Variants in CDH13 observed in about 807,000 individuals in gnomAD.
CDH13 encodes cadherin-13.
A neutral mutation model predicts 63.8 loss-of-function variants in CDH13; 24 were observed. The observed-to-expected ratio is 0.38, with a 90% CI of 0.27 to 0.53. CDH13 has a LOEUF of 0.53. Ranked by LOEUF, CDH13 falls within the 20% of genes least tolerant of loss-of-function variation. CDH13 has a pLI of 0.85. For synonymous variants in CDH13, 503 were observed against 355.3 expected (o/e 1.42, Z -4.67); for missense variants, 1,049 against 903.1 (o/e 1.16, Z -2.07).
chr16:83,309,619 C>T (rs1346246469), intron 5 of CDH13, among the ~76,000 whole-genome samples: 2 of 152,198 alleles, frequency 1.3e-5, no homozygotes, highest in East Asian at 1.9e-4. Context: ...TCGTGATCCA[C>T]CCACCTTGGC....
intron 1 of CDH13, among the ~76,000 whole-genome samples, chr16:82,710,553 A>AT (rs1567649943): frequency 2.1e-5 from 1 of 46,766 alleles, no homozygotes; most frequent in Non-Finnish European, 4.3e-5. Flanking sequence ...AAAAAAAAAA[A>AT]TATATATATA....
intron 1 of CDH13, among the ~76,000 whole-genome samples, chr16:82,836,233 C>T (rs1200316649): frequency 6.6e-6 from 1 of 152,270 alleles, no homozygotes. Context: ...ACTGCAACCT[C>T]CACCTCCTGG....
chr16:83,698,477 T>C (rs2150904149), intron 10 of CDH13, among the ~76,000 whole-genome samples: 1 of 152,298 alleles, frequency 6.6e-6, no homozygotes, highest in South Asian at 2.1e-4. Flanking sequence ...TGTTGCCTGG[T>C]TCCCAGTGCT....
intron 2 of CDH13, among the ~76,000 whole-genome samples, chr16:82,877,796 A>ATTT (rs76873049): frequency 7.2e-6 from 1 of 137,946 alleles, no homozygotes; most frequent in Non-Finnish European, 1.5e-5. Context: ...ACCTCTATTC[A>ATTT]TTTTTTTTTT....
At chr16:83,384,151 G>A (rs185721048) in intron 6 of CDH13, among the ~76,000 whole-genome samples, 9 of 152,050 alleles carry the variant, frequency 5.9e-5, no homozygotes, top group Admixed American at 5.2e-4. Flanking sequence ...AATATCTAAG[G>A]GTTTTTCTAG....
At chr16:83,567,657 G>A (rs1052204476) in intron 7 of CDH13, among the ~76,000 whole-genome samples, 3 of 152,144 alleles carry the variant, frequency 2.0e-5, no homozygotes, top group African/African-American at 2.4e-5. Context: ...GTGCAGTGGT[G>A]CGATCTGGGC....
chr16:83,171,863 G>A (rs970397050), intron 4 of CDH13, among the ~76,000 whole-genome samples: 3 of 152,080 alleles, frequency 2.0e-5, no homozygotes, highest in African/African-American at 7.2e-5. Flanking sequence ...TGTTTACCTT[G>A]CCATTTTATA....
intron 1 of CDH13, among the ~76,000 whole-genome samples, chr16:82,694,762 G>T (rs774131658): frequency 2.0e-5 from 3 of 152,150 alleles, no homozygotes; most frequent in Non-Finnish European, 4.4e-5. Context: ...ATTCTTTGAG[G>T]ATTTACTGTG....
Position 83,795,237 on chromosome 16 carries a change from A to G in CDH13, c.*207A>G. The G allele has an allele frequency of 1.9e-6, 1 of 535,946 alleles. No individual in the cohort carries two copies. The highest frequency in any genetic ancestry group is 2.6e-5 in the South Asian group (1 of 39,138). The allele number at this position is 535,946 out of a possible 1,614,324, so 33.2% of individuals were successfully genotyped here. On this transcript the variant is annotated 3_prime_UTR_variant, in exon 14 of 14. Transcript: ENST00000567109. ...CTTCCTCCCTCCTTTAATTAATGGAATCTTCTGAATTTTCCCTGAATGTTT... is the reference window on the plus strand; with the variant it reads ...CTTCCTCCCTCCTTTAATTAATGGAGTCTTCTGAATTTTCCCTGAATGTTT...
At chr16:82,639,277 TG>T in intron 1 of CDH13, 1 of 890,780 alleles carries the variant, frequency 1.1e-6, no homozygotes, top group Non-Finnish European at 1.7e-6. Context: ...ACTTCCTGTC[TG>T]GGCTACTGAT....
rs557684086 is a variant in CDH13 at position 83,086,052 on chromosome 16, A to G, written c.367-39333A>G. 1.7e-3 allele frequency among the ~76,000 whole-genome samples: 260 copies of G among 152,338 alleles called. 2 individuals are homozygous for G. The highest frequency in any genetic ancestry group is 4.7e-3 in the African/African-American group (195 of 41,582). The stretch of plus-strand genomic sequence containing the variant: ...GGTGTACTGGCTGCTCCAATTGAGA[A>G]CAAACAAGGCACCAGGGCCTTTGCA... On this transcript the variant is annotated intron_variant, in intron 3 of 13. Transcript: ENST00000567109.
chr16:83,247,441 T>C (rs1905085658), intron 5 of CDH13, among the ~76,000 whole-genome samples: 2 of 152,168 alleles, frequency 1.3e-5, no homozygotes, highest in Admixed American at 1.3e-4. Context: ...AATCCAGTTA[T>C]TTTTATTTCT....
In CDH13 at chr16:82,919,650, G is replaced by A. The variant is rs28716447; in HGVS notation, c.157+61177G>A. 4.5e-3 allele frequency among the ~76,000 whole-genome samples: 682 copies of A among 152,316 alleles called. 3 individuals are homozygous for A. Among genetic ancestry groups the A allele is most frequent in the African/African-American group, 0.016 (649 of 41,556 alleles). On this transcript the variant is annotated intron_variant, in intron 2 of 13. Transcript: ENST00000567109. ...TTTGATTCCATGTTTATTGTGAATA[G>A]TGCTATAGTGAACATATGTGTGCAT...
At position 83,093,283 on chromosome 16, in the gene CDH13, C is replaced by T. The variant is rs866952281; in HGVS notation, c.367-32102C>T. Among the ~76,000 whole-genome samples the T allele has an allele frequency of 1.6e-3, 195 of 121,526 alleles. 1 individual carries two copies. Among genetic ancestry groups the T allele is most frequent in the African/African-American group, 5.2e-3 (175 of 33,572 alleles). 79.7% of individuals were successfully genotyped at this position (121,526 alleles called of 152,430 possible). A position where few individuals can be genotyped will look rare whatever the true frequency, so the allele number is the denominator to read the frequency against. On this transcript the variant is annotated intron_variant, in intron 3 of 13. Transcript: ENST00000567109. ...CACATTTGGATTTGTCCTGTGGAAACACCATAAGTACTTTTTTTTTTTTTT... is the reference window on the plus strand; with the variant it reads ...CACATTTGGATTTGTCCTGTGGAAATACCATAAGTACTTTTTTTTTTTTTT...
intron 3 of CDH13, among the ~76,000 whole-genome samples, chr16:83,082,733 G>A (rs1321102228): frequency 6.6e-6 from 1 of 152,172 alleles, no homozygotes; most frequent in Admixed American, 6.5e-5. Context: ...TCATTTATAA[G>A]GTTAGGCTGT....
intron 3 of CDH13, among the ~76,000 whole-genome samples, chr16:83,074,240 T>C (rs2032661740): frequency 6.6e-6 from 1 of 152,232 alleles, no homozygotes; most frequent in East Asian, 1.9e-4. Context: ...GCATGTGCGA[T>C]ATTTCTCTTT....
intron 6 of CDH13, among the ~76,000 whole-genome samples, chr16:83,462,375 C>A (rs1298508319): frequency 6.6e-6 from 1 of 152,238 alleles, no homozygotes; most frequent in Non-Finnish European, 1.5e-5. Flanking sequence ...AAGTGCTTAT[C>A]TTCCTTTCTC....
rs72805904 is a variant in CDH13, at chr16:82,741,062, T to C, written c.45+113925T>C. On this transcript the variant is annotated intron_variant, in intron 1 of 13. Coordinates refer to ENST00000567109, the MANE Select transcript of CDH13 (RefSeq NM_001257.5). ...TGACCTAGTATACATACTCTCTCAC[T>C]CTCACTCTCCCCACACCCCCAAACC... is the stretch of plus-strand genomic sequence containing the variant. Among the ~76,000 whole-genome samples, 543 of 152,238 alleles carry C rather than the reference T, an allele frequency of 3.6e-3. 4 individuals carry two copies. Among genetic ancestry groups the C allele is most frequent in the Middle Eastern group, 6.8e-3 (2 of 294 alleles).
At chr16:82,716,904 C>T (rs2032413325) in intron 1 of CDH13, among the ~76,000 whole-genome samples, 1 of 151,936 alleles carries the variant, frequency 6.6e-6, no homozygotes, top group Admixed American at 6.6e-5. Context: ...CTCTAGGGCT[C>T]ATTCCTTCTT....
Sources: allele counts gnomAD v4.1 joint callset (sites outside exome capture counted in the v4.1 genomes callset), GRCh38; gene constraint gnomAD v4.1.1; transcripts MANE v1.5; gene names NCBI Gene and HGNC (gene_info 2026-07-23, HGNC 2026-07-21).